Variants in ATXN7 observed in about 807,000 individuals in gnomAD.
ATXN7 encodes the protein ataxin 7.
A neutral mutation model predicts 70.5 loss-of-function variants in ATXN7; 12 were observed. The ratio of observed to expected loss-of-function variants is 0.17; its 90% CI spans 0.11 to 0.28. The LOEUF is 0.28. Among genes scored for constraint, ATXN7 ranks in the 10% least tolerant of loss-of-function variants. ATXN7 has a pLI of 1.00. For missense variants in ATXN7, 1,256 were observed against 1,131.7 expected, an observed-to-expected ratio of 1.11 and a Z score of -1.58; for synonymous variants, 498 against 448.7, an observed-to-expected ratio of 1.11 and a Z score of -1.39.
At chr3:63,942,789 A>T (rs1032702042) in intron 4 of ATXN7, among the ~76,000 whole-genome samples, 1 of 152,216 alleles carries the variant, frequency 6.6e-6, no homozygotes, top group African/African-American at 2.4e-5. Flanking sequence ...CAAAAGTTTT[A>T]TGTGTGGTAA....
At chr3:63,982,812 T>G (rs573108273) in intron 7 of ATXN7, 127 bp from the exon 8 acceptor site, 1 of 739,034 alleles carries the variant, frequency 1.4e-6, no homozygotes, top group East Asian at 2.6e-5. Context: ...TTTTTTATTT[T>G]ATTGATAATG....
At chr3:63,935,184 C>T (rs2074636024) in intron 4 of ATXN7, among the ~76,000 whole-genome samples, 1 of 152,074 alleles carries the variant, frequency 6.6e-6, no homozygotes, top group East Asian at 1.9e-4. Flanking sequence ...GTGCTAGTTC[C>T]TTTCTCAACA....
At chr3:63,960,661 T>C (rs76249409) in intron 5 of ATXN7, among the ~76,000 whole-genome samples, 94 of 152,276 alleles carry the variant, frequency 6.2e-4, no homozygotes, top group African/African-American at 2.0e-3. Flanking sequence ...GGTTTTTGGC[T>C]CAAGCAGCTG....
At chr3:63,916,369 G>C (rs1244724592) in intron 4 of ATXN7, among the ~76,000 whole-genome samples, 1 of 152,142 alleles carries the variant, frequency 6.6e-6, no homozygotes, top group Non-Finnish European at 1.5e-5. Context: ...TAATATGTCA[G>C]TTTTCTAGGG....
chr3:63,902,696 G>T (rs1007563210), intron 2 of ATXN7, among the ~76,000 whole-genome samples: 1 of 152,100 alleles, frequency 6.6e-6, no homozygotes, highest in South Asian at 2.1e-4. Context: ...CTCAAGAGAG[G>T]TTGGTGCTCT....
At position 63,996,486 on chromosome 3, in the gene ATXN7, A is replaced by G. The variant is rs1181563382; in HGVS notation, c.2661+3A>G. The G allele has an allele frequency of 6.2e-7, 1 of 1,613,760 alleles. No homozygotes were observed. On this transcript the variant is annotated splice_donor_region_variant and intron_variant, in intron 12 of 12. Transcript: ENST00000674280. ...TGAACAGTTCCCTCCTTCATCAGGT[A>G]GGAAATGGACTGTGAGCCCCATGGG...
At chr3:63,990,434 A>AG (rs1312849683) in intron 10 of ATXN7, 60 bp downstream of exon 10, 16 of 1,587,278 alleles carry the variant, frequency 1.0e-5, no homozygotes, top group Non-Finnish European at 1.4e-5. Flanking sequence ...AGGGCACTGC[A>AG]GGGGGGCGCG....
intron 1 of ATXN7, among the ~76,000 whole-genome samples, chr3:63,897,944 A>T (rs1370709469): frequency 6.6e-6 from 1 of 152,198 alleles, no homozygotes; most frequent in East Asian, 1.9e-4. Context: ...TTACCTGTTG[A>T]AGTATTAAAA....
Position 63,995,731 on chromosome 3 carries a change from C to G in ATXN7, c.1909C>G (p.Pro637Ala), listed in dbSNP as rs975729531. The G allele has an allele frequency of 1.4e-5, 22 of 1,614,118 alleles. No homozygotes were observed. Among genetic ancestry groups the G allele is most frequent in the African/African-American group, 2.7e-5 (2 of 74,944 alleles). Residue 637 changes from proline to alanine, a missense_variant, in exon 12 of 13, where the codon CCT becomes GCT. Coordinates refer to ENST00000674280, the MANE Select transcript of ATXN7 (RefSeq NM_001377405.1). ...AQPAASGAMD[P>A]VCSMQSRQVS... ...GCCTGCTGCTTCAGGGGCGATGGAT[C>G]CTGTGTGCAGTATGCAATCCAGACA...
intron 11 of ATXN7, 25 bp downstream of exon 11, chr3:63,990,884 A>T (rs780511796): frequency 6.2e-7 from 1 of 1,614,166 alleles, no homozygotes; most frequent in South Asian, 1.1e-5. Flanking sequence ...TTCTTGGGAG[A>T]GGAGCTGACT....
At chr3:63,999,243 A>C in intron 12 of ATXN7, 1 of 538,864 alleles carries the variant, frequency 1.9e-6, no homozygotes, top group South Asian at 2.5e-5. Flanking sequence ...CTAGAAGTGA[A>C]TCTTTGCAAT....
intron 5 of ATXN7, among the ~76,000 whole-genome samples, chr3:63,974,076 G>A (rs2075355951): frequency 6.6e-6 from 1 of 152,046 alleles, no homozygotes; most frequent in Admixed American, 6.5e-5. Context: ...TGGAGGTGGG[G>A]TTTCGTCGGA....
intron 7 of ATXN7, among the ~76,000 whole-genome samples, 176 bp downstream of exon 7, chr3:63,982,621 T>TGA (rs2075507685): frequency 1.9e-5 from 2 of 105,732 alleles, no homozygotes; most frequent in Admixed American, 1.1e-4. Context: ...TTAAAGAGCA[T>TGA]GAGTGTGTGT....
chr3:63,959,318 A>T (rs2075086392), intron 5 of ATXN7, among the ~76,000 whole-genome samples: 1 of 152,144 alleles, frequency 6.6e-6, no homozygotes, highest in Admixed American at 6.5e-5. Context: ...TGCTTGGAAG[A>T]CTTGTACCAG....
chr3:63,988,464 A>G (rs1204591029), intron 9 of ATXN7, 140 bp downstream of exon 9: 5 of 671,160 alleles, frequency 7.4e-6, no homozygotes, highest in Non-Finnish European at 1.1e-5. Context: ...TTTTACTATG[A>G]AAAAAAAAAA....
chr3:63,920,710 T>C (rs1704479527), intron 4 of ATXN7, among the ~76,000 whole-genome samples: 1 of 152,138 alleles, frequency 6.6e-6, no homozygotes, highest in South Asian at 2.1e-4. Flanking sequence ...ATCTACAGTT[T>C]GCATTAGAAG....
intron 4 of ATXN7, among the ~76,000 whole-genome samples, chr3:63,918,451 T>G (rs994959038): frequency 6.6e-6 from 1 of 152,252 alleles, no homozygotes; most frequent in African/African-American, 2.4e-5. Flanking sequence ...ATGAACAATT[T>G]GAAACATACA....
intron 4 of ATXN7, among the ~76,000 whole-genome samples, chr3:63,929,145 A>G (rs897358176): frequency 2.0e-5 from 3 of 152,176 alleles, no homozygotes; most frequent in Non-Finnish European, 4.4e-5. Context: ...TGGCGTATTT[A>G]TTACCCACTT....
At chr3:63,877,857 C>T (rs544692576) in intron 1 of ATXN7, among the ~76,000 whole-genome samples, 50 of 152,248 alleles carry the variant, frequency 3.3e-4, no homozygotes, top group African/African-American at 1.2e-3. Context: ...ACCTCAAATC[C>T]GGTCTCCTTG....
Sources: gnomAD v4.1 joint callset for allele counts (sites outside exome capture counted in the v4.1 genomes callset) on GRCh38, gnomAD v4.1.1 for gene constraint, MANE v1.5 for transcripts, NCBI Gene and HGNC (gene_info 2026-07-23, HGNC 2026-07-21) for gene names.